Variants in MS4A4A observed in about 807,000 individuals in gnomAD.
The protein encoded by MS4A4A is membrane-spanning 4-domains subfamily A member 4A.
A neutral mutation model predicts 28.0 loss-of-function variants in MS4A4A; 26 were observed. The ratio of observed to expected loss-of-function variants is 0.93; its 90% CI spans 0.68 to 1.29. The LOEUF (loss-of-function observed/expected upper bound fraction) is 1.29, where lower values mean the gene tolerates loss of function less well. Among genes scored for constraint, MS4A4A ranks in the 50% most tolerant of loss-of-function variants. MS4A4A has a pLI of 0.00. For synonymous variants in MS4A4A, 86 were observed against 100.8 expected (o/e 0.85, Z 0.88); for missense variants, 290 against 293.1 (o/e 0.99, Z 0.08).
intron 5 of MS4A4A, among the ~76,000 whole-genome samples, chr11:60,304,284 G>A (rs757102173): frequency 3.0e-4 from 46 of 152,214 alleles, no homozygotes; most frequent in South Asian, 6.2e-4. Flanking sequence ...GGCTGATTTC[G>A]TGGGCATGGG....
intron 1 of MS4A4A, among the ~76,000 whole-genome samples, chr11:60,284,669 G>GTC (rs2084788519): frequency 6.6e-6 from 1 of 152,152 alleles, no homozygotes; most frequent in Non-Finnish European, 1.5e-5. Context: ...TCCTCTTGCA[G>GTC]TCTCTGTTCT....
Position 60,297,257 on chromosome 11 carries a change from G to A in MS4A4A, c.262G>A (p.Ala88Thr), listed in dbSNP as rs183720563. Residue 88 changes from alanine to threonine, a missense_variant, in exon 3 of 7, where the codon GCA becomes ACA. Transcript: ENST00000337908. The stretch of plus-strand genomic sequence containing the variant: ...CATGGGAATAACAATGATGTGTATG[G>A]CATCTAATACTTATGGAAGTAACCC... ...LSMGITMMCM[A>T]SNTYGSNPIS... is the part of the protein sequence containing the mutation. 2.8e-5 allele frequency: 45 copies of A among 1,613,562 alleles called. No individual in the cohort carries two copies. In the African/African-American group the frequency reaches 4.7e-4, roughly 17 times the overall value.
chr11:60,288,249 T>G (rs554349400), intron 1 of MS4A4A, among the ~76,000 whole-genome samples: 101 of 152,330 alleles, frequency 6.6e-4, no homozygotes, highest in African/African-American at 2.4e-3. Context: ...ACTCTTGCAG[T>G]CTGTGAGCCT....
At chr11:60,288,524 G>A (rs921608761) in intron 1 of MS4A4A, among the ~76,000 whole-genome samples, 2 of 152,174 alleles carry the variant, frequency 1.3e-5, no homozygotes, top group African/African-American at 2.4e-5. Context: ...CACCAGCATG[G>A]CTCCAGGGAA....
At chr11:60,300,694 A>G (rs550361075) in intron 3 of MS4A4A, among the ~76,000 whole-genome samples, 1 of 151,794 alleles carries the variant, frequency 6.6e-6, no homozygotes, top group African/African-American at 2.4e-5. Flanking sequence ...ATAGTCATCA[A>G]TTTTGGTACC....
At chr11:60,306,031 G>A (rs2084996455) in intron 5 of MS4A4A, 69 bp from the exon 6 acceptor site, 8 of 1,316,866 alleles carry the variant, frequency 6.1e-6, no homozygotes, top group African/African-American at 1.5e-5. Context: ...ATGACATTGT[G>A]GTTACTGGGA....
intron 1 of MS4A4A, among the ~76,000 whole-genome samples, chr11:60,284,082 CTAGTT>C (rs2084781107): frequency 6.6e-6 from 1 of 152,210 alleles, no homozygotes. Flanking sequence ...ATTCACCAGA[CTAGTT>C]TAGTGGATCC....
intron 6 of MS4A4A, among the ~76,000 whole-genome samples, chr11:60,307,229 C>A (rs2135037080): frequency 6.6e-6 from 1 of 152,304 alleles, no homozygotes; most frequent in East Asian, 1.9e-4. Context: ...TCATTTTGCA[C>A]CTCTTTGTCT....
At chr11:60,284,722 T>C (rs1161225161) in intron 1 of MS4A4A, among the ~76,000 whole-genome samples, 1 of 152,244 alleles carries the variant, frequency 6.6e-6, no homozygotes, top group Non-Finnish European at 1.5e-5. Context: ...TCACATGCTA[T>C]GGAGTAGGTA....
At chr11:60,283,043 G>C (rs1305745058) in intron 1 of MS4A4A, among the ~76,000 whole-genome samples, 2 of 152,172 alleles carry the variant, frequency 1.3e-5, no homozygotes, top group Non-Finnish European at 2.9e-5. Context: ...TGTAGGATTA[G>C]AATGAGATTG....
chr11:60,282,955 A>T (rs1439657738), intron 1 of MS4A4A, among the ~76,000 whole-genome samples: 1 of 152,230 alleles, frequency 6.6e-6, no homozygotes, highest in Non-Finnish European at 1.5e-5. Context: ...AGAGGCTATA[A>T]TGAATACTTC....
chr11:60,292,819 T>C (rs1030396619), intron 2 of MS4A4A, among the ~76,000 whole-genome samples: 4 of 151,928 alleles, frequency 2.6e-5, no homozygotes, highest in Non-Finnish European at 5.9e-5. Context: ...CCATCTGGAG[T>C]CTCAGATGAG....
chr11:60,284,317 G>T (rs538273124), intron 1 of MS4A4A, among the ~76,000 whole-genome samples: 90 of 152,248 alleles, frequency 5.9e-4, no homozygotes, highest in Non-Finnish European at 1.2e-3. Flanking sequence ...ATTATTACTG[G>T]TATTCCTACT....
intron 1 of MS4A4A, among the ~76,000 whole-genome samples, chr11:60,291,431 G>C (rs1411673410): frequency 6.6e-6 from 1 of 152,166 alleles, no homozygotes; most frequent in African/African-American, 2.4e-5. Context: ...GCTCTGATTA[G>C]AAAAGGAGGA....
At chr11:60,304,581 A>G (rs1327443035) in intron 5 of MS4A4A, among the ~76,000 whole-genome samples, 1 of 152,220 alleles carries the variant, frequency 6.6e-6, no homozygotes, top group Non-Finnish European at 1.5e-5. Context: ...CAATCAGTCC[A>G]CAGGTCTATA....
intron 1 of MS4A4A, among the ~76,000 whole-genome samples, chr11:60,289,054 G>A (rs1280537517): frequency 1.3e-5 from 2 of 152,154 alleles, no homozygotes; most frequent in Non-Finnish European, 2.9e-5. Context: ...TTTGGCTCAG[G>A]TATGGCTACC....
chr11:60,289,653 G>A (rs185290918), intron 1 of MS4A4A, among the ~76,000 whole-genome samples: 8 of 149,360 alleles, frequency 5.4e-5, no homozygotes, highest in South Asian at 4.3e-4. Context: ...GGAACTTCTC[G>A]TTGGCCTTCT....
chr11:60,290,999 A>C (rs776283262), intron 1 of MS4A4A, among the ~76,000 whole-genome samples: 12 of 152,180 alleles, frequency 7.9e-5, no homozygotes, highest in Admixed American at 2.0e-4. Flanking sequence ...TGGTATCAAA[A>C]TTAACTATTA....
chr11:60,291,804 A>AAC (rs1554992885), intron 1 of MS4A4A, among the ~76,000 whole-genome samples: 2 of 151,586 alleles, frequency 1.3e-5, no homozygotes, highest in African/African-American at 4.8e-5. Context: ...CTCAAAAAAA[A>AAC]AAAACAAAAA....
Sources: gnomAD v4.1 joint callset for allele counts (sites outside exome capture counted in the v4.1 genomes callset) on GRCh38, gnomAD v4.1.1 for gene constraint, MANE v1.5 for transcripts, NCBI Gene and HGNC (gene_info 2026-07-23, HGNC 2026-07-21) for gene names.